Variants in GRIA1 observed in about 807,000 individuals in gnomAD.
GRIA1 encodes the protein glutamate receptor 1.
GRIA1 carries 31 observed loss-of-function variants against 99.2 expected under a neutral mutation model. That is an observed-to-expected ratio of 0.31 (90% CI 0.23 to 0.42). The LOEUF (loss-of-function observed/expected upper bound fraction) is 0.42. GRIA1 is among the 10% of genes least tolerant of loss of function. The pLI is 1.00. For missense variants in GRIA1, 782 were observed against 1,157.5 expected (o/e 0.68, Z 4.71); for synonymous variants, 438 against 432.4 (o/e 1.01, Z -0.16).
At position 153,658,695 on chromosome 5, in the gene GRIA1, G is replaced by A. The variant is rs562276815; in HGVS notation, c.699+2823G>A. ...CTGCATAGAACTGACCCACTCCTTC[G>A]GAATGTTTGTGATTAGGGTGTAATT... On this transcript the variant is annotated intron_variant, in intron 5 of 15. Coordinates refer to ENST00000285900, the MANE Select transcript of GRIA1 (RefSeq NM_000827.4). Among the ~76,000 whole-genome samples, 8 of 152,196 alleles carry A rather than the reference G, an allele frequency of 5.3e-5. No individual in the cohort carries two copies. In the East Asian group the frequency reaches 7.7e-4, roughly 15 times the overall value.
At chr5:153,734,139 C>T (rs906381035) in intron 11 of GRIA1, among the ~76,000 whole-genome samples, 28 of 152,312 alleles carry the variant, frequency 1.8e-4, no homozygotes, top group Admixed American at 7.2e-4. Context: ...CCCTGATGTT[C>T]ACAATAGCAG....
intron 2 of GRIA1, among the ~76,000 whole-genome samples, chr5:153,544,698 T>A (rs1274543661): frequency 6.6e-6 from 1 of 152,036 alleles, no homozygotes; most frequent in Non-Finnish European, 1.5e-5. Flanking sequence ...AGGCAGGATA[T>A]CTGGAAAATG....
chr5:153,494,616 G>C (rs1754234262), intron 2 of GRIA1, among the ~76,000 whole-genome samples: 1 of 152,196 alleles, frequency 6.6e-6, no homozygotes, highest in South Asian at 2.1e-4. Flanking sequence ...TTAAGGCACA[G>C]TTTGTAGGAT....
At chr5:153,784,368 A>G (rs1764835356) in intron 13 of GRIA1, among the ~76,000 whole-genome samples, 1 of 151,694 alleles carries the variant, frequency 6.6e-6, no homozygotes, top group Non-Finnish European at 1.5e-5. Flanking sequence ...CCCAGCATGG[A>G]GTGATTAAGT....
At chr5:153,645,532 TG>T in intron 2 of GRIA1, among the ~76,000 whole-genome samples, 1 of 152,238 alleles carries the variant, frequency 6.6e-6, no homozygotes, top group African/African-American at 2.4e-5. Flanking sequence ...GGGATAAAAA[TG>T]GGTAGAATTC....
At chr5:153,574,194 A>G (rs1368628368) in intron 2 of GRIA1, among the ~76,000 whole-genome samples, 1 of 152,212 alleles carries the variant, frequency 6.6e-6, no homozygotes, top group East Asian at 1.9e-4. Context: ...CTTCATCAGC[A>G]AGGGTGTTAC....
At chr5:153,608,320 CAATT>C (rs1418428566) in intron 2 of GRIA1, among the ~76,000 whole-genome samples, 1 of 152,046 alleles carries the variant, frequency 6.6e-6, no homozygotes, top group African/African-American at 2.4e-5. Flanking sequence ...GAGCTTTTGG[CAATT>C]AATTCTTCAG....
intron 8 of GRIA1, 63 bp downstream of exon 8, chr5:153,686,392 G>A: frequency 8.3e-7 from 1 of 1,211,832 alleles, no homozygotes; most frequent in Non-Finnish European, 1.2e-6. Flanking sequence ...TCTGGCCAGA[G>A]CTGAGGGCCT....
chr5:153,723,694 G>A (rs1260098586), intron 11 of GRIA1, among the ~76,000 whole-genome samples: 2 of 152,142 alleles, frequency 1.3e-5, no homozygotes, highest in East Asian at 3.9e-4. Context: ...CTGGGGGAGG[G>A]GCCCCCGCCA....
intron 2 of GRIA1, among the ~76,000 whole-genome samples, chr5:153,495,927 C>A (rs2113203436): frequency 6.6e-6 from 1 of 152,300 alleles, no homozygotes; most frequent in East Asian, 1.9e-4. Context: ...TGGAGCAGGG[C>A]TCCATAGCTT....
intron 14 of GRIA1, among the ~76,000 whole-genome samples, chr5:153,801,140 T>G (rs1765995736): frequency 2.0e-5 from 3 of 152,288 alleles, no homozygotes. Flanking sequence ...AGCAACTTGC[T>G]GCGCTTCCTG....
chr5:153,539,077 T>C (rs1758839415), intron 2 of GRIA1, among the ~76,000 whole-genome samples: 1 of 152,220 alleles, frequency 6.6e-6, no homozygotes, highest in Non-Finnish European at 1.5e-5. Flanking sequence ...AGAGAATGAT[T>C]AAATTAGGTC....
At chr5:153,650,549 G>A (rs753635171) in intron 4 of GRIA1, 35 bp downstream of exon 4, 7 of 1,597,158 alleles carry the variant, frequency 4.4e-6, no homozygotes, top group African/African-American at 4.0e-5. Flanking sequence ...GGTGGGTGCG[G>A]GAGGTGATTC....
chr5:153,726,504 A>G (rs970049572), intron 11 of GRIA1, among the ~76,000 whole-genome samples: 28 of 151,848 alleles, frequency 1.8e-4, no homozygotes, highest in Non-Finnish European at 3.2e-4. Flanking sequence ...CAAGACTAAT[A>G]AAGAAGAAAA....
intron 2 of GRIA1, among the ~76,000 whole-genome samples, chr5:153,498,003 C>A (rs745799530): frequency 6.6e-6 from 1 of 152,160 alleles, no homozygotes; most frequent in Non-Finnish European, 1.5e-5. Context: ...GGTTATCTAT[C>A]TGCAGAAGGG....
At chr5:153,804,712 TATTA>T (rs763404194) in intron 15 of GRIA1, among the ~76,000 whole-genome samples, 1,416 of 103,722 alleles carry the variant, frequency 0.014, 13 homozygotes, top group Non-Finnish European at 0.019. Flanking sequence ...CTCTGATCCT[TATTA>T]ATTAATTAAT....
At chr5:153,779,060 T>G (rs997765145) in intron 13 of GRIA1, among the ~76,000 whole-genome samples, 3 of 152,206 alleles carry the variant, frequency 2.0e-5, no homozygotes, top group Non-Finnish European at 4.4e-5. Flanking sequence ...ACAGGTCATT[T>G]TAAACCAACT....
intron 2 of GRIA1, among the ~76,000 whole-genome samples, chr5:153,606,154 T>C (rs1765418896): frequency 6.6e-6 from 1 of 152,134 alleles, no homozygotes; most frequent in African/African-American, 2.4e-5. Flanking sequence ...TTTTTCTACA[T>C]AGATATCCAG....
rs1581690921 is a variant in GRIA1, at chr5:153,807,865, A to G, written c.2521-3160A>G. ...TCATTCCCAAAGGAAAATAATCCCCAGCCTCTCTCACCCCCACTAGAGATG... is the reference window on the plus strand; with the variant it reads ...TCATTCCCAAAGGAAAATAATCCCCGGCCTCTCTCACCCCCACTAGAGATG... On this transcript the variant is annotated intron_variant, in intron 15 of 15. Coordinates refer to ENST00000285900, the MANE Select transcript of GRIA1 (RefSeq NM_000827.4). 6.6e-5 allele frequency among the ~76,000 whole-genome samples: 10 copies of G among 152,336 alleles called. 1 individual carries two copies. The South Asian group carries it at 2.1e-3, about 32-fold the overall frequency.
Sources: gnomAD v4.1 joint callset for allele counts (sites outside exome capture counted in the v4.1 genomes callset) on GRCh38, gnomAD v4.1.1 for gene constraint, MANE v1.5 for transcripts, NCBI Gene and HGNC (gene_info 2026-07-23, HGNC 2026-07-21) for gene names.